The following ATRNL1 variants were observed in gnomAD, a reference collection of about 807,000 sequenced individuals.
ATRNL1 encodes attractin like 1.
A neutral mutation model predicts 182.7 loss-of-function variants in ATRNL1; 95 were observed. That is an observed-to-expected ratio of 0.52 (90% CI 0.44 to 0.62). The LOEUF is 0.62. ATRNL1 is among the 20% of genes least tolerant of loss of function. The pLI, the probability that ATRNL1 is intolerant of heterozygous loss-of-function variation, is 0.00. For synonymous variants in ATRNL1, 576 were observed against 568.3 expected (o/e 1.01, Z -0.19); for missense variants, 1,471 against 1,679.5 (o/e 0.88, Z 2.17).
chr10:115,713,479 C>G (rs11517126), intron 26 of ATRNL1, among the ~76,000 whole-genome samples: 5 of 16,792 alleles, frequency 3.0e-4, no homozygotes, highest in Admixed American at 7.8e-4. Context: ...GTGTGTGTGT[C>G]TGTGTGAAGA....
At chr10:115,486,931 G>T (rs1214632596) in intron 24 of ATRNL1, among the ~76,000 whole-genome samples, 1 of 152,116 alleles carries the variant, frequency 6.6e-6, no homozygotes, top group Non-Finnish European at 1.5e-5. Flanking sequence ...GTAAGGAAGG[G>T]ATCCAGTTTC....
chr10:115,905,593 A>G (rs146872895), intron 28 of ATRNL1, among the ~76,000 whole-genome samples: 1 of 152,264 alleles, frequency 6.6e-6, no homozygotes, highest in African/African-American at 2.4e-5. Context: ...TGACCTGTGA[A>G]TATAAATTCA....
intron 26 of ATRNL1, among the ~76,000 whole-genome samples, chr10:115,714,395 T>G (rs893363350): frequency 1.3e-5 from 2 of 151,432 alleles, no homozygotes; most frequent in Admixed American, 1.3e-4. Flanking sequence ...ACCAATTGAC[T>G]CCCAGGTACC....
At chr10:115,313,541 G>A (rs981340071) in intron 17 of ATRNL1, among the ~76,000 whole-genome samples, 4 of 151,984 alleles carry the variant, frequency 2.6e-5, no homozygotes, top group Non-Finnish European at 5.9e-5. Flanking sequence ...TATTTCATTC[G>A]CCAGTGGCGT....
Position 115,282,986 on chromosome 10 carries a change from C to CT in ATRNL1, c.2233+1508dup, listed in dbSNP as rs542955235. ...TCCCTCCCCTAGCCCCCTACCCCCA[C>CT]TTTTTTTTTAAAGAAAAGTTTCTGA... On this transcript the variant is annotated intron_variant, in intron 14 of 28. Transcript: ENST00000355044. Among the ~76,000 whole-genome samples the CT allele has an allele frequency of 6.8e-3, 1,024 of 150,854 alleles. 8 individuals are homozygous for CT. The highest frequency in any genetic ancestry group is 0.011 in the Non-Finnish European group (717 of 67,630).
intron 28 of ATRNL1, among the ~76,000 whole-genome samples, chr10:115,906,758 C>G (rs1555114645): frequency 6.6e-6 from 1 of 152,174 alleles, no homozygotes; most frequent in Admixed American, 6.5e-5. Flanking sequence ...GGATTATATC[C>G]TAGACTTCAT....
At position 115,939,242 on chromosome 10, in the gene ATRNL1, A is replaced by G. The variant is rs115807361; in HGVS notation, c.4019-5416A>G. Among the ~76,000 whole-genome samples, 1,390 of 152,300 alleles carry G rather than the reference A, an allele frequency of 9.1e-3. 30 individuals are homozygous for G. The highest frequency in any genetic ancestry group is 0.032 in the African/African-American group (1,332 of 41,576). On this transcript the variant is annotated intron_variant, in intron 28 of 28. Transcript: ENST00000355044. Reference sequence around the variant, plus strand: ...TTCTGAGGGAATTTCCTATGGTCTCAAAGGAGCCTGTTTCCTTTAGGGCTT... The same window carrying G: ...TTCTGAGGGAATTTCCTATGGTCTCGAAGGAGCCTGTTTCCTTTAGGGCTT...
At chr10:115,681,973 T>G (rs1946060375) in intron 26 of ATRNL1, among the ~76,000 whole-genome samples, 1 of 152,158 alleles carries the variant, frequency 6.6e-6, no homozygotes, top group Non-Finnish European at 1.5e-5. Flanking sequence ...AAGTAAAGGA[T>G]TCATGGTCAA....
chr10:115,404,615 A>C (rs1565005288), intron 20 of ATRNL1, among the ~76,000 whole-genome samples: 2 of 152,188 alleles, frequency 1.3e-5, no homozygotes, highest in African/African-American at 4.8e-5. Flanking sequence ...TAGAGTTAGC[A>C]TATTCTTCCA....
At chr10:115,331,570 A>T (rs1299306060) in intron 18 of ATRNL1, among the ~76,000 whole-genome samples, 9 of 152,116 alleles carry the variant, frequency 5.9e-5, no homozygotes, top group Admixed American at 5.9e-4. Context: ...AGGATTAGTA[A>T]TTGGCACCTT....
intron 6 of ATRNL1, among the ~76,000 whole-genome samples, chr10:115,163,310 A>G (rs947211647): frequency 2.0e-5 from 3 of 149,512 alleles, no homozygotes; most frequent in African/African-American, 7.4e-5. Flanking sequence ...CTTTTATTTG[A>G]TTATTTTATT....
intron 24 of ATRNL1, among the ~76,000 whole-genome samples, chr10:115,480,581 T>C (rs184366339): frequency 1.1e-4 from 16 of 151,286 alleles, no homozygotes; most frequent in Admixed American, 6.0e-4. Context: ...TAATTAGAAA[T>C]ATAAATGTGA....
rs367835247 is a variant in ATRNL1 at position 115,237,946 on chromosome 10, T to C, written c.1533-3625T>C. 9.0e-4 allele frequency among the ~76,000 whole-genome samples: 137 copies of C among 152,330 alleles called. 4 individuals carry two copies. In the South Asian group the frequency reaches 0.028, roughly 31 times the overall value. On this transcript the variant is annotated intron_variant, in intron 9 of 28. Coordinates refer to ENST00000355044, the MANE Select transcript of ATRNL1 (RefSeq NM_207303.4). ...TGTATCTAGATGATTATTTCTGTTA[T>C]TACTACTGTGATGCCCTGTTGTTCC... is the stretch of plus-strand genomic sequence containing the variant.
intron 19 of ATRNL1, among the ~76,000 whole-genome samples, chr10:115,342,086 CTTCT>C (rs1368173013): frequency 1.3e-5 from 2 of 151,340 alleles, no homozygotes; most frequent in African/African-American, 4.9e-5. Context: ...TCTTCTCTTC[CTTCT>C]TTCTTTCTGT....
In ATRNL1 at chr10:115,719,885, G is replaced by C. The variant is rs12250994; in HGVS notation, c.3796-7363G>C. On this transcript the variant is annotated intron_variant, in intron 26 of 28. Coordinates refer to ENST00000355044, the MANE Select transcript of ATRNL1 (RefSeq NM_207303.4). ...TCTTTTTTTTTTTTTTTTTGAGATGGAGTCTTGCTTTTTTGCCCCAGGCTG... is the reference window on the plus strand; with the variant it reads ...TCTTTTTTTTTTTTTTTTTGAGATGCAGTCTTGCTTTTTTGCCCCAGGCTG... Among the ~76,000 whole-genome samples the C allele has an allele frequency of 8.9e-3, 1,302 of 146,618 alleles. 21 individuals carry two copies. Among genetic ancestry groups the C allele is most frequent in the African/African-American group, 0.031 (1,232 of 39,756 alleles).
intron 27 of ATRNL1, among the ~76,000 whole-genome samples, chr10:115,831,386 C>CT (rs1201932493): frequency 1.3e-5 from 2 of 151,970 alleles, no homozygotes; most frequent in African/African-American, 2.4e-5. Flanking sequence ...AGATCTAGAA[C>CT]TTTTTTTTAA....
chr10:115,581,798 G>T (rs987973883), intron 26 of ATRNL1, among the ~76,000 whole-genome samples: 2 of 151,440 alleles, frequency 1.3e-5, no homozygotes, highest in African/African-American at 2.4e-5. Context: ...CAATGTGCAG[G>T]TTAGTTACAT....
intron 28 of ATRNL1, among the ~76,000 whole-genome samples, chr10:115,913,206 A>G (rs147899323): frequency 1.1e-3 from 166 of 152,342 alleles, no homozygotes; most frequent in African/African-American, 3.7e-3. Context: ...TCACATACAG[A>G]ACATTCATAT....
chr10:115,294,852 G>T (rs1853098733), intron 15 of ATRNL1, among the ~76,000 whole-genome samples: 1 of 152,190 alleles, frequency 6.6e-6, no homozygotes, highest in South Asian at 2.1e-4. Flanking sequence ...ACATAGTAGT[G>T]ACATTTTCAA....
Sources: gnomAD v4.1 joint callset for allele counts (sites outside exome capture counted in the v4.1 genomes callset) on GRCh38, gnomAD v4.1.1 for gene constraint, MANE v1.5 for transcripts, NCBI Gene and HGNC (gene_info 2026-07-23, HGNC 2026-07-21) for gene names.